The following LOC102723971 variants were observed in gnomAD, a reference collection of about 807,000 sequenced individuals.
At chr9:135,618,966 G>A in the LOC102723971 span, 12 of 400,788 alleles carry the variant, frequency 3.0e-5, no homozygotes, top group South Asian at 1.2e-4. Context: ...TAGGTCTGGC[G>A]GTTCTGGAGT....
chr9:135,618,503 G>C, the LOC102723971 span, among the ~76,000 whole-genome samples: 1 of 152,062 alleles, frequency 6.6e-6, no homozygotes, highest in Admixed American at 6.5e-5. Flanking sequence ...AGCAAGCATT[G>C]TCATTACCTG....
chr9:135,615,095 C>T, the LOC102723971 span, among the ~76,000 whole-genome samples: 2 of 152,208 alleles, frequency 1.3e-5, no homozygotes, highest in Admixed American at 1.3e-4. Flanking sequence ...GCCAGTGCAG[C>T]CCCCTGGGAG....
At chr9:135,616,822 C>A in the LOC102723971 span, 2 of 398,456 alleles carry the variant, frequency 5.0e-6, no homozygotes, top group Non-Finnish European at 8.8e-6. Flanking sequence ...GGTGGCATTG[C>A]AATGTCCACA....
the LOC102723971 span, among the ~76,000 whole-genome samples, chr9:135,619,846 G>GCCTTCTCCCCTTCTCCC: frequency 6.9e-6 from 1 of 145,950 alleles, no homozygotes; most frequent in Non-Finnish European, 1.5e-5. Context: ...CTCCAGTGAG[G>GCCTTCTCCCCTTCTCCC]CCTTCTCCCC....
chr9:135,615,291 C>G, the LOC102723971 span: 1 of 397,260 alleles, frequency 2.5e-6, no homozygotes, highest in South Asian at 1.3e-4. Flanking sequence ...GCCCACACCC[C>G]TGCATGTGGA....
the LOC102723971 span, chr9:135,616,914 G>A: frequency 2.5e-6 from 1 of 398,652 alleles, no homozygotes. Flanking sequence ...AACAGTCGAG[G>A]GCGGCAGCAT....
the LOC102723971 span, chr9:135,615,429 C>G: frequency 2.5e-6 from 1 of 398,724 alleles, no homozygotes; most frequent in Non-Finnish European, 4.4e-6. Context: ...CCGGCCGACC[C>G]CCTGAGGCTC....
chr9:135,617,546 G>A, the LOC102723971 span, among the ~76,000 whole-genome samples: 72 of 152,254 alleles, frequency 4.7e-4, no homozygotes, highest in Non-Finnish European at 2.5e-4. Context: ...GGGTGGGGGA[G>A]CGGGGCAGCA....
chr9:135,617,453 C>T, the LOC102723971 span, among the ~76,000 whole-genome samples: 1 of 152,064 alleles, frequency 6.6e-6, no homozygotes, highest in Non-Finnish European at 1.5e-5. Flanking sequence ...CGAGGGGCTG[C>T]AGTGTCCTGA....
the LOC102723971 span, chr9:135,616,696 G>C: frequency 3.5e-5 from 14 of 398,624 alleles, no homozygotes; most frequent in Non-Finnish European, 5.3e-5. Context: ...GCTGGGCTCT[G>C]AGTGGGGAGG....
At chr9:135,615,583 G>A in the LOC102723971 span, 3 of 398,146 alleles carry the variant, frequency 7.5e-6, no homozygotes, top group Non-Finnish European at 8.9e-6. Context: ...TTCAGAGCCA[G>A]AGGAACACAT....
chr9:135,618,956 T>G, the LOC102723971 span: 5 of 400,194 alleles, frequency 1.2e-5, no homozygotes, highest in African/African-American at 8.2e-5. Flanking sequence ...ACCCTGAGCC[T>G]AGGTCTGGCG....
At chr9:135,617,516 C>T in the LOC102723971 span, among the ~76,000 whole-genome samples, 2 of 151,638 alleles carry the variant, frequency 1.3e-5, no homozygotes, top group African/African-American at 2.4e-5. Context: ...GAGGATCAGC[C>T]GGAGCCCGAG....
chr9:135,614,387 G>A, the LOC102723971 span: 1 of 398,398 alleles, frequency 2.5e-6, no homozygotes, highest in Non-Finnish European at 4.4e-6. Context: ...ACTCAGGCCT[G>A]GAACAACGGC....
the LOC102723971 span, among the ~76,000 whole-genome samples, chr9:135,616,106 A>T: frequency 6.6e-6 from 1 of 152,030 alleles, no homozygotes; most frequent in African/African-American, 2.4e-5. Context: ...GAAACTGAAG[A>T]CCCCGGAGCA....
At chr9:135,614,718 G>A in the LOC102723971 span, among the ~76,000 whole-genome samples, 3 of 152,144 alleles carry the variant, frequency 2.0e-5, no homozygotes, top group Admixed American at 6.5e-5. Flanking sequence ...AGCCGAGCAG[G>A]GGAGGGGTTC....
chr9:135,614,516 C>T, the LOC102723971 span, among the ~76,000 whole-genome samples: 2 of 152,134 alleles, frequency 1.3e-5, no homozygotes, highest in South Asian at 2.1e-4. Flanking sequence ...CCAACCCAGG[C>T]GGGAGCGGGC....
chr9:135,615,607 G>C, the LOC102723971 span: 4 of 397,842 alleles, frequency 1.0e-5, no homozygotes, highest in South Asian at 2.6e-4. Flanking sequence ...ACCAAGCTGA[G>C]GCCCAAGACC....
At chr9:135,617,780 G>T in the LOC102723971 span, among the ~76,000 whole-genome samples, 3 of 152,178 alleles carry the variant, frequency 2.0e-5, no homozygotes, top group African/African-American at 7.2e-5. Flanking sequence ...CGCAGAGGGG[G>T]TGCTGCCGTG....
Sources: gnomAD v4.1 joint callset for allele counts (sites outside exome capture counted in the v4.1 genomes callset) on GRCh38, gnomAD v4.1.1 for gene constraint, MANE v1.5 for transcripts.